The following NDUFB2 variants were observed in gnomAD, a reference collection of about 807,000 sequenced individuals.
The protein encoded by NDUFB2 is NADH:ubiquinone oxidoreductase subunit B2.
In NDUFB2, 13 loss-of-function variants were observed where a neutral mutation model predicts 13.4. That is an observed-to-expected ratio of 0.97 (90% CI 0.63 to 1.54). The LOEUF is 1.54. Among genes scored for constraint, NDUFB2 ranks in the 40% most tolerant of loss-of-function variants. The probability of loss-of-function intolerance (pLI) is 0.00; values close to 1 mark genes in which losing one functional copy is unlikely to be tolerated. For missense variants in NDUFB2, 150 were observed against 139.7 expected (o/e 1.07, Z -0.37); for synonymous variants, 47 against 50.6 (o/e 0.93, Z 0.30).
intron 3 of NDUFB2, chr7:140,705,287 G>A: frequency 6.2e-6 from 1 of 161,238 alleles, no homozygotes; most frequent in Non-Finnish European, 1.3e-5. Flanking sequence ...TTTAGTAGAG[G>A]CAGAGTTTTG....
At chr7:140,701,780 A>T in intron 1 of NDUFB2, 1 of 309,944 alleles carries the variant, frequency 3.2e-6, no homozygotes, top group African/African-American at 2.2e-5. Flanking sequence ...TAAAAAAAAA[A>T]CAAAAATTAG....
chr7:140,703,949 G>T (rs1030351018), intron 2 of NDUFB2, among the ~76,000 whole-genome samples: 1 of 152,018 alleles, frequency 6.6e-6, no homozygotes, highest in African/African-American at 2.4e-5. Flanking sequence ...TAGAGACGGG[G>T]TTTCACCGTG....
intron 1 of NDUFB2, 164 bp from the exon 2 acceptor site, chr7:140,702,701 GC>G: frequency 2.4e-6 from 2 of 820,898 alleles, no homozygotes; most frequent in Non-Finnish European, 3.7e-6. Flanking sequence ...CATGAAGCAA[GC>G]TTAGTAAAAA....
rs773817580 is a variant in NDUFB2 at position 140,704,865 on chromosome 7, C to G, written c.249C>G (p.His83Gln). ...FWHDSEEVLG[H>Q]FPYPDPSQWT... The stretch of plus-strand genomic sequence containing the variant: ...TTTTAAATGGTTGTCACCAGGGTCA[C>G]TTTCCGTATCCTGATCCTTCCCAGT... The change falls in exon 3 of 4, where the codon CAC (histidine) becomes CAG (glutamine). Residue 83 changes from histidine (H) to glutamine (Q), a missense_variant. Transcript: ENST00000247866. 2 of 1,584,960 alleles carry G rather than the reference C, an allele frequency of 1.3e-6. No individual in the cohort carries two copies. Among genetic ancestry groups the G allele is most frequent in the Middle Eastern group, 1.7e-4 (1 of 5,936 alleles).
At chr7:140,698,058 C>CTGT (rs751277642) in intron 1 of NDUFB2, 1 of 1,311,198 alleles carries the variant, frequency 7.6e-7, no homozygotes, top group Non-Finnish European at 1.0e-6. Context: ...TATTCTTTAA[C>CTGT]TGTTGTTGTT....
At chr7:140,703,848 T>C (rs1002062477) in intron 2 of NDUFB2, among the ~76,000 whole-genome samples, 4 of 152,136 alleles carry the variant, frequency 2.6e-5, no homozygotes, top group African/African-American at 9.7e-5. Flanking sequence ...CTCCGCCTCC[T>C]GGGTTCACGC....
intron 1 of NDUFB2, among the ~76,000 whole-genome samples, chr7:140,697,598 A>G (rs2130798642): frequency 6.6e-6 from 1 of 152,248 alleles, no homozygotes; most frequent in African/African-American, 2.4e-5. Flanking sequence ...CAGGACTGGA[A>G]AAGAGTCATG....
intron 1 of NDUFB2, chr7:140,702,101 AT>A (rs1454074269): frequency 1.6e-5 from 11 of 687,852 alleles, no homozygotes; most frequent in Non-Finnish European, 2.4e-5. Flanking sequence ...TTACAAGCTG[AT>A]TCTTATCTAG....
At chr7:140,705,092 C>G in intron 3 of NDUFB2, 129 bp downstream of exon 3, 1 of 462,120 alleles carries the variant, frequency 2.2e-6, no homozygotes, top group Non-Finnish European at 3.7e-6. Flanking sequence ...TAACCATGTC[C>G]TGTATCTGCT....
chr7:140,703,576 G>GTTTTAGTGATTTTCT, intron 2 of NDUFB2, among the ~76,000 whole-genome samples: 1 of 151,862 alleles, frequency 6.6e-6, no homozygotes, highest in East Asian at 1.9e-4. Flanking sequence ...CGCCTGGCCA[G>GTTTTAGTGATTTTCT]AAATGAATTC....
intron 1 of NDUFB2, among the ~76,000 whole-genome samples, chr7:140,701,299 A>G (rs112902350): frequency 0.017 from 2,594 of 152,344 alleles, 27 homozygotes; most frequent in Middle Eastern, 0.024. Flanking sequence ...AGGCCTTATC[A>G]TAACATTATG....
chr7:140,703,602 T>C (rs564421295), intron 2 of NDUFB2, among the ~76,000 whole-genome samples: 25 of 151,932 alleles, frequency 1.6e-4, no homozygotes, highest in African/African-American at 3.6e-4. Context: ...CCTTCTGAAC[T>C]AGCGGTTCAT....
In NDUFB2 at chr7:140,701,669, A is replaced by C. The variant is rs564562543; in HGVS notation, c.99-1197A>C. Among the ~76,000 whole-genome samples the C allele has an allele frequency of 3.0e-3, 458 of 152,266 alleles. 3 individuals carry two copies. The highest frequency in any genetic ancestry group is 0.011 in the African/African-American group (437 of 41,562). The stretch of plus-strand genomic sequence containing the variant: ...AACAAAACAGCCGGGCACGTGGCTC[A>C]CGCCTGTAATCCCAGCACTTTGGGA... On this transcript the variant is annotated intron_variant, in intron 1 of 3. Coordinates refer to ENST00000247866, the MANE Select transcript of NDUFB2 (RefSeq NM_004546.3).
chr7:140,701,439 G>A (rs1490534523), intron 1 of NDUFB2, among the ~76,000 whole-genome samples: 2 of 152,166 alleles, frequency 1.3e-5, no homozygotes, highest in Non-Finnish European at 2.9e-5. Flanking sequence ...GCAACATAGG[G>A]AAACCCTGTC....
rs1442713603 is a variant in NDUFB2 at position 140,704,802 on chromosome 7, ATTAG to A, written c.244-55_244-52del. On this transcript the variant is annotated intron_variant, in intron 2 of 3. Coordinates refer to ENST00000247866, the MANE Select transcript of NDUFB2 (RefSeq NM_004546.3). ...TTTCCAAGATTTATTTAACAATTTA[ATTAG>A]TTGCACAGAATGTAAATTCTTGACT... The A allele has an allele frequency of 2.2e-5, 26 of 1,161,572 alleles. 1 individual carries two copies. Among genetic ancestry groups the A allele is most frequent in the Non-Finnish European group, 3.0e-5 (25 of 823,784 alleles). 72.0% of individuals were successfully genotyped at this position (1,161,572 alleles called of 1,614,324 possible).
chr7:140,697,896 G>A (rs888116628), intron 1 of NDUFB2, among the ~76,000 whole-genome samples: 3 of 152,138 alleles, frequency 2.0e-5, no homozygotes. Context: ...GTGCAGTGGC[G>A]CGATCCTAGC....
At chr7:140,696,911 T>A in intron 1 of NDUFB2, 69 bp downstream of exon 1, 1 of 1,418,922 alleles carries the variant, frequency 7.0e-7, no homozygotes, top group Non-Finnish European at 9.7e-7. Flanking sequence ...TGGGACGCTC[T>A]CACCTTGACT....
intron 2 of NDUFB2, among the ~76,000 whole-genome samples, chr7:140,703,565 G>A (rs993021381): frequency 2.6e-5 from 4 of 151,720 alleles, no homozygotes; most frequent in African/African-American, 9.7e-5. Flanking sequence ...GTGAGCCACC[G>A]CGCCTGGCCA....
chr7:140,699,557 C>A (rs1794867806), intron 1 of NDUFB2, among the ~76,000 whole-genome samples: 3 of 151,988 alleles, frequency 2.0e-5, no homozygotes, highest in South Asian at 2.1e-4. Context: ...TCTTGTTCAC[C>A]CTTTTACCAT....
Sources: gnomAD v4.1 joint callset for allele counts (sites outside exome capture counted in the v4.1 genomes callset) on GRCh38, gnomAD v4.1.1 for gene constraint, MANE v1.5 for transcripts, NCBI Gene and HGNC (gene_info 2026-07-23, HGNC 2026-07-21) for gene names.